The following PRKCH variants were observed in gnomAD, a reference collection of about 807,000 sequenced individuals.
PRKCH encodes protein kinase C eta type.
A neutral mutation model predicts 82.5 loss-of-function variants in PRKCH; 28 were observed. The observed-to-expected ratio is 0.34, with a 90% CI of 0.25 to 0.47. The LOEUF is 0.47. Ranked by LOEUF, PRKCH falls within the 20% of genes least tolerant of loss-of-function variation. The pLI is 1.00. For missense variants in PRKCH, 705 were observed against 881.8 expected, an observed-to-expected ratio of 0.80 and a Z score of 2.54; for synonymous variants, 322 against 327.4, an observed-to-expected ratio of 0.98 and a Z score of 0.18.
intron 1 of PRKCH, among the ~76,000 whole-genome samples, chr14:61,216,093 C>G (rs191145064): frequency 3.9e-5 from 6 of 152,280 alleles, no homozygotes; most frequent in Non-Finnish European, 8.8e-5. Flanking sequence ...TGGGGCATTT[C>G]TCTTTACATT....
chr14:61,505,385 CTTTTCTTTTCTTTTTTT>C (rs1887094733), intron 10 of PRKCH, among the ~76,000 whole-genome samples: 1 of 75,052 alleles, frequency 1.3e-5, no homozygotes, highest in African/African-American at 4.7e-5. Context: ...CTTTTCTTTT[CTTTTCTTTTCTTTTTTT>C]TTTTTTTTTT....
chr14:61,271,612 T>C (rs901429702), intron 1 of PRKCH, among the ~76,000 whole-genome samples: 1 of 152,228 alleles, frequency 6.6e-6, no homozygotes, highest in Non-Finnish European at 1.5e-5. Flanking sequence ...TGCCTTAGAC[T>C]AGTTATTTAA....
At chr14:61,375,224 C>T (rs374468169) in intron 1 of PRKCH, among the ~76,000 whole-genome samples, 2 of 152,088 alleles carry the variant, frequency 1.3e-5, no homozygotes, top group African/African-American at 2.4e-5. Flanking sequence ...GTTCCTCAGT[C>T]TCCATCTGAG....
intron 1 of PRKCH, among the ~76,000 whole-genome samples, chr14:61,236,723 A>G (rs2044792011): frequency 6.7e-6 from 1 of 148,322 alleles, no homozygotes; most frequent in Non-Finnish European, 1.5e-5. Flanking sequence ...AAAAAAAAAA[A>G]AAAAAAAAGA....
chr14:61,264,960 G>T (rs1032079647), intron 1 of PRKCH, among the ~76,000 whole-genome samples: 1 of 152,136 alleles, frequency 6.6e-6, no homozygotes, highest in Non-Finnish European at 1.5e-5. Flanking sequence ...ATTGAAGTAG[G>T]AAGATGTTTA....
intron 9 of PRKCH, among the ~76,000 whole-genome samples, chr14:61,472,174 C>T (rs1177858079): frequency 1.3e-5 from 2 of 151,838 alleles, no homozygotes; most frequent in Non-Finnish European, 2.9e-5. Context: ...GCCTGCTGCT[C>T]GATAAGGCAT....
chr14:61,411,067 A>G (rs1882243260), intron 2 of PRKCH, among the ~76,000 whole-genome samples: 1 of 152,176 alleles, frequency 6.6e-6, no homozygotes. Flanking sequence ...GCTTCTGGGG[A>G]AAGTGGATCA....
intron 12 of PRKCH, among the ~76,000 whole-genome samples, chr14:61,535,615 A>G (rs2043097982): frequency 1.3e-5 from 2 of 152,264 alleles, no homozygotes; most frequent in East Asian, 1.9e-4. Flanking sequence ...GTGAGAGCCC[A>G]AAGGACATCC....
Position 61,485,676 on chromosome 14 carries a change from C to T in PRKCH, c.1433+20C>T, listed in dbSNP as rs556528799. ...CTATAGGTGAGTTTTGGTTGCTGCCCTGTCTTCTAATTCACTGCCTCTTCC... is the reference window on the plus strand; with the variant it reads ...CTATAGGTGAGTTTTGGTTGCTGCCTTGTCTTCTAATTCACTGCCTCTTCC... On this transcript the variant is annotated intron_variant, in intron 10 of 13. Transcript: ENST00000332981. 1 of 1,605,368 alleles carries T rather than the reference C, an allele frequency of 6.2e-7. No individual in the cohort carries two copies. Among genetic ancestry groups the T allele is most frequent in the Non-Finnish European group, 8.5e-7 (1 of 1,173,614 alleles).
intron 1 of PRKCH, among the ~76,000 whole-genome samples, chr14:61,252,595 G>A (rs185865105): frequency 2.0e-5 from 3 of 152,258 alleles, no homozygotes. Flanking sequence ...CAGAGGCAAC[G>A]TGACTTCCCC....
chr14:61,279,560 C>T (rs2045237089), intron 1 of PRKCH: 1 of 153,214 alleles, frequency 6.5e-6, no homozygotes, highest in Admixed American at 6.5e-5. Flanking sequence ...AATCTACCTG[C>T]ATATTTAACA....
At chr14:61,485,370 G>A (rs538568186) in intron 9 of PRKCH, 132 bp from the exon 10 acceptor site, 2 of 1,218,548 alleles carry the variant, frequency 1.6e-6, no homozygotes, top group East Asian at 2.4e-5. Context: ...CTGACCCATG[G>A]TCAGGATGTT....
chr14:61,207,041 G>T (rs1361820856), intron 1 of PRKCH, among the ~76,000 whole-genome samples: 1 of 147,148 alleles, frequency 6.8e-6, no homozygotes, highest in Non-Finnish European at 1.5e-5. Context: ...AGCAGGTGCA[G>T]GTTGCAGTGA....
chr14:61,392,511 T>A (rs1401059875), intron 2 of PRKCH, among the ~76,000 whole-genome samples: 1 of 152,220 alleles, frequency 6.6e-6, no homozygotes. Context: ...GAGTACTTTC[T>A]CACATGCTTA....
chr14:61,503,001 CTTTTTTTT>C (rs34050696), intron 10 of PRKCH, among the ~76,000 whole-genome samples: 2 of 80,320 alleles, frequency 2.5e-5, no homozygotes, highest in Non-Finnish European at 5.3e-5. Flanking sequence ...GGGAAGCAGG[CTTTTTTTT>C]TTTTTTTTTT....
chr14:61,351,553 A>G (rs2046074158), intron 1 of PRKCH, among the ~76,000 whole-genome samples: 1 of 152,210 alleles, frequency 6.6e-6, no homozygotes, highest in Non-Finnish European at 1.5e-5. Context: ...ACACGAAAGC[A>G]CGCCTGCTTG....
Position 61,249,042 on chromosome 14 carries a change from C to T in PRKCH, c.-19+61374C>T, listed in dbSNP as rs530171304. ...GTCTGAAACTCCTGACCTCAGGTGA[C>T]TCGCCTGCCTCGGCCTCCCAAAATG... On this transcript the variant is annotated intron_variant, in intron 1 of 3. Transcript: ENST00000555185. 5.9e-5 allele frequency among the ~76,000 whole-genome samples: 9 copies of T among 152,256 alleles called. No homozygotes were observed. The East Asian group carries it at 1.2e-3, about 20-fold the overall frequency.
At chr14:61,318,986 C>T (rs1247643596), upstream of PRKCH, among the ~76,000 whole-genome samples, 1 of 152,174 alleles carries the variant, frequency 6.6e-6, no homozygotes, top group African/African-American at 2.4e-5. Context: ...AGCCACCTTG[C>T]CTGTCCCCAG....
intron 1 of PRKCH, among the ~76,000 whole-genome samples, chr14:61,294,369 C>T (rs2045389686): frequency 6.6e-6 from 1 of 152,128 alleles, no homozygotes; most frequent in Non-Finnish European, 1.5e-5. Flanking sequence ...ATCTGCCCGC[C>T]TCGGCCTCCC....
Sources: allele counts gnomAD v4.1 joint callset (sites outside exome capture counted in the v4.1 genomes callset), GRCh38; gene constraint gnomAD v4.1.1; transcripts MANE v1.5; gene names NCBI Gene and HGNC (gene_info 2026-07-23, HGNC 2026-07-21).